Variants in CREB5 observed in about 807,000 individuals in gnomAD.
CREB5 encodes cAMP responsive element binding protein 5.
In CREB5, 19 loss-of-function variants were observed where a neutral mutation model predicts 57.1. The ratio of observed to expected loss-of-function variants is 0.33; its 90% CI spans 0.23 to 0.49. The LOEUF (loss-of-function observed/expected upper bound fraction) is 0.49, where lower values mean the gene tolerates loss of function less well. CREB5 is among the 20% of genes least tolerant of loss of function. CREB5 has a pLI of 0.99. For missense variants in CREB5, 579 were observed against 671.6 expected, an observed-to-expected ratio of 0.86 and a Z score of 1.52; for synonymous variants, 238 against 238.3, an observed-to-expected ratio of 1.00 and a Z score of 0.01.
intron 1 of CREB5, among the ~76,000 whole-genome samples, chr7:28,393,283 C>T (rs1017345524): frequency 1.3e-5 from 2 of 152,198 alleles, no homozygotes; most frequent in Non-Finnish European, 2.9e-5. Flanking sequence ...TCTGACTCGT[C>T]TCTCAAAATC....
At chr7:28,704,146 C>T (rs1306332038) in intron 5 of CREB5, among the ~76,000 whole-genome samples, 1 of 152,220 alleles carries the variant, frequency 6.6e-6, no homozygotes, top group Non-Finnish European at 1.5e-5. Flanking sequence ...TCCTACCTCT[C>T]CTAAAAGATG....
At position 28,456,785 on chromosome 7, in the gene CREB5, A is replaced by G. The variant is rs142166478; in HGVS notation, c.4-31390A>G. Among the ~76,000 whole-genome samples the G allele has an allele frequency of 2.0e-3, 301 of 152,322 alleles. 3 individuals carry two copies. Among genetic ancestry groups the G allele is most frequent in the Middle Eastern group, 3.4e-3 (1 of 294 alleles). On this transcript the variant is annotated intron_variant, in intron 1 of 10. Coordinates refer to ENST00000357727, the MANE Select transcript of CREB5 (RefSeq NM_182898.4). Reference sequence around the variant, plus strand: ...CATATAGACAGACCTCACTTATTTTATTCTTGCTCTCTCTTTACAGAATTG... The same window carrying G: ...CATATAGACAGACCTCACTTATTTTGTTCTTGCTCTCTCTTTACAGAATTG...
chr7:28,369,635 C>T (rs1786664993), intron 1 of CREB5, among the ~76,000 whole-genome samples: 1 of 152,184 alleles, frequency 6.6e-6, no homozygotes, highest in African/African-American at 2.4e-5. Context: ...TCCGATTCCC[C>T]TGAGATTCCT....
intron 1 of CREB5, among the ~76,000 whole-genome samples, chr7:28,319,648 T>G (rs1273970978): frequency 6.6e-6 from 1 of 152,130 alleles, no homozygotes; most frequent in Non-Finnish European, 1.5e-5. Context: ...CAGCCCACTC[T>G]TCTCAAGAGT....
chr7:28,351,317 C>T (rs1217778106), intron 1 of CREB5, among the ~76,000 whole-genome samples: 1 of 152,086 alleles, frequency 6.6e-6, no homozygotes, highest in East Asian at 1.9e-4. Context: ...CAAAGTGCTC[C>T]ATGTCCTCTT....
chr7:28,312,784 A>G (rs1785304961), intron 1 of CREB5, among the ~76,000 whole-genome samples: 3 of 152,274 alleles, frequency 2.0e-5, no homozygotes, highest in Middle Eastern at 6.8e-3. Flanking sequence ...GGCCATTCTA[A>G]TGTCAGAGTT....
At chr7:28,744,483 G>A (rs748247871) in intron 7 of CREB5, among the ~76,000 whole-genome samples, 206 of 151,382 alleles carry the variant, frequency 1.4e-3, no homozygotes, top group Non-Finnish European at 1.9e-3. Flanking sequence ...GAGTAGCTGG[G>A]ATTACAGGTA....
chr7:28,528,521 A>C (rs1284240327), intron 4 of CREB5, among the ~76,000 whole-genome samples: 2 of 152,136 alleles, frequency 1.3e-5, no homozygotes, highest in Non-Finnish European at 2.9e-5. Flanking sequence ...CCTGACCAAC[A>C]TGGAGAAACC....
intron 3 of CREB5, among the ~76,000 whole-genome samples, chr7:28,501,645 T>C (rs1406182173): frequency 6.6e-6 from 1 of 152,154 alleles, no homozygotes; most frequent in African/African-American, 2.4e-5. Flanking sequence ...CAATTTTTGA[T>C]AATAAAATCA....
At chr7:28,795,822 G>A (rs541192489) in intron 7 of CREB5, among the ~76,000 whole-genome samples, 29 of 146,078 alleles carry the variant, frequency 2.0e-4, no homozygotes, top group African/African-American at 6.2e-4. Context: ...GCATGATCTC[G>A]GCTCACTGCA....
intron 5 of CREB5, among the ~76,000 whole-genome samples, chr7:28,674,844 T>G (rs1390065118): frequency 6.6e-6 from 1 of 152,250 alleles, no homozygotes; most frequent in Non-Finnish European, 1.5e-5. Context: ...GCTAGTCCCT[T>G]CTTTAGACTT....
intron 7 of CREB5, among the ~76,000 whole-genome samples, chr7:28,745,218 T>C (rs901315344): frequency 2.0e-5 from 3 of 152,228 alleles, no homozygotes; most frequent in Admixed American, 6.5e-5. Context: ...ACATCTAGTA[T>C]TCAAGTGTTC....
chr7:28,731,510 G>A (rs1803629914), intron 7 of CREB5, among the ~76,000 whole-genome samples: 1 of 152,070 alleles, frequency 6.6e-6, no homozygotes, highest in African/African-American at 2.4e-5. Context: ...GATTCTTTTG[G>A]CAAAATCGTT....
chr7:28,652,237 A>C (rs1280545370), intron 5 of CREB5, among the ~76,000 whole-genome samples: 1 of 152,130 alleles, frequency 6.6e-6, no homozygotes, highest in African/African-American at 2.4e-5. Context: ...TTAGTTATTA[A>C]AATTAGAATA....
At chr7:28,498,152 A>G (rs796176470) in intron 3 of CREB5, among the ~76,000 whole-genome samples, 39 of 152,272 alleles carry the variant, frequency 2.6e-4, no homozygotes, top group African/African-American at 9.4e-4. Context: ...TTAAAATTTT[A>G]TTTACCTTAT....
At chr7:28,536,078 G>C (rs35533819) in intron 4 of CREB5, among the ~76,000 whole-genome samples, 22,793 of 152,160 alleles carry the variant, frequency 0.15, 2,054 homozygotes, top group East Asian at 0.3. Context: ...ACTCCTCATA[G>C]AGTGTCTTGA....
At chr7:28,798,122 A>AT (rs997666382) in intron 7 of CREB5, among the ~76,000 whole-genome samples, 3 of 152,000 alleles carry the variant, frequency 2.0e-5, no homozygotes, top group African/African-American at 7.2e-5. Flanking sequence ...ATACTTTCAC[A>AT]TTTTTTTTCT....
chr7:28,386,493 G>T (rs762816715), intron 1 of CREB5, among the ~76,000 whole-genome samples: 4 of 152,116 alleles, frequency 2.6e-5, no homozygotes, highest in Middle Eastern at 3.2e-3. Flanking sequence ...CTTCGTTGAT[G>T]GGTGTAGGTG....
intron 4 of CREB5, among the ~76,000 whole-genome samples, chr7:28,543,088 C>T (rs1794269043): frequency 6.6e-6 from 1 of 152,050 alleles, no homozygotes; most frequent in Admixed American, 6.6e-5. Context: ...ATCCTATGAG[C>T]CTCAATACTT....
Sources: gnomAD v4.1 joint callset for allele counts (sites outside exome capture counted in the v4.1 genomes callset) on GRCh38, gnomAD v4.1.1 for gene constraint, MANE v1.5 for transcripts, NCBI Gene and HGNC (gene_info 2026-07-23, HGNC 2026-07-21) for gene names.